The following PIK3R6 variants were observed in gnomAD, a reference collection of about 807,000 sequenced individuals.
PIK3R6 encodes the protein phosphoinositide-3-kinase regulatory subunit 6.
In PIK3R6, 91 loss-of-function variants were observed where a neutral mutation model predicts 84.9. That is an observed-to-expected ratio of 1.07 (90% CI 0.90 to 1.28). PIK3R6 has a LOEUF of 1.28. Ranked by LOEUF, PIK3R6 falls within the 50% of genes most tolerant of loss-of-function variation. The pLI is 0.00. For missense variants in PIK3R6, 996 were observed against 985.1 expected (o/e 1.01, Z -0.15); for synonymous variants, 416 against 411.4 (o/e 1.01, Z -0.13).
Position 8,803,731 on chromosome 17 carries a change from TG to T in PIK3R6, c.2109-303del, listed in dbSNP as rs2087112960. ...GGAACACAGATGCCACAGGTCAGCC[TG>T]TGTGGGAGGGGCCCGTGCCTGCAGA... On this transcript the variant is annotated intron_variant, in intron 19 of 19. Transcript: ENST00000619866. The surrounding 1 kb of genome is among the most constrained non-coding windows in gnomAD (Gnocchi z 5.0). 1 of 549,836 alleles carries T rather than the reference TG, an allele frequency of 1.8e-6. No individual in the cohort carries two copies. The highest frequency in any genetic ancestry group is 1.9e-5 in the African/African-American group (1 of 53,008). 34.1% of individuals were successfully genotyped at this position (549,836 alleles called of 1,614,324 possible).
chr17:8,829,142 CAG>C (rs780356148), intron 10 of PIK3R6, among the ~76,000 whole-genome samples, 152 bp from the exon 11 acceptor site: 19 of 152,268 alleles, frequency 1.2e-4, no homozygotes, highest in Admixed American at 6.5e-4. Flanking sequence ...GACTCACACA[CAG>C]AGACACACAG....
At chr17:8,850,740 G>C (rs2088934961) in intron 1 of PIK3R6, among the ~76,000 whole-genome samples, 1 of 152,170 alleles carries the variant, frequency 6.6e-6, no homozygotes, top group South Asian at 2.1e-4. Flanking sequence ...AACTGGGAAA[G>C]CTAATCTAAA....
chr17:8,819,282 C>T (rs909299025), intron 17 of PIK3R6, 84 bp from the exon 18 acceptor site: 2 of 980,718 alleles, frequency 2.0e-6, no homozygotes, highest in Non-Finnish European at 3.0e-6. Context: ...CTCCAGGAAC[C>T]CATCTTGACA....
intron 17 of PIK3R6, among the ~76,000 whole-genome samples, chr17:8,821,091 G>T (rs1331031392): frequency 6.6e-6 from 1 of 152,184 alleles, no homozygotes; most frequent in Non-Finnish European, 1.5e-5. Flanking sequence ...AATTCTGCCT[G>T]GGTGAACTTA....
Position 8,836,931 on chromosome 17 carries a change from A to G in PIK3R6, c.259-8T>C. On this transcript the variant is annotated splice_polypyrimidine_tract_variant and splice_region_variant and intron_variant, in intron 5 of 19. Coordinates refer to ENST00000619866, the MANE Select transcript of PIK3R6 (RefSeq NM_001010855.4). ...TTCTGTGATTCCTGTGGCCTGGGTG[A>G]GAGGGAGGAGGGGGAGGTGAGAGGG... 7.8e-7 allele frequency: 1 copy of G among 1,274,514 alleles called. No homozygotes were observed. Among genetic ancestry groups the G allele is most frequent in the Non-Finnish European group, 1.0e-6 (1 of 959,980 alleles). 79.0% of individuals were successfully genotyped at this position (1,274,514 alleles called of 1,614,324 possible).
chr17:8,832,655 C>T (rs2088288881), intron 9 of PIK3R6, among the ~76,000 whole-genome samples: 1 of 151,768 alleles, frequency 6.6e-6, no homozygotes, highest in Non-Finnish European at 1.5e-5. Context: ...CCGCCTGCCT[C>T]GGCCTCCCAA....
intron 18 of PIK3R6, among the ~76,000 whole-genome samples, chr17:8,808,074 G>A (rs926609527): frequency 3.3e-5 from 5 of 152,192 alleles, no homozygotes; most frequent in South Asian, 4.2e-4. Flanking sequence ...GTGTTCCATC[G>A]GGACAAAGGA....
chr17:8,849,022 C>T (rs983397495), intron 2 of PIK3R6, among the ~76,000 whole-genome samples: 12 of 152,134 alleles, frequency 7.9e-5, no homozygotes, highest in African/African-American at 1.2e-4. Flanking sequence ...AGATGACACA[C>T]ATCTTGGTGG....
intron 18 of PIK3R6, among the ~76,000 whole-genome samples, chr17:8,806,476 C>T (rs940893200): frequency 1.3e-5 from 2 of 152,164 alleles, no homozygotes; most frequent in Admixed American, 6.5e-5. Flanking sequence ...TTTCATTTCC[C>T]TTTGTGGTCT....
chr17:8,840,814 G>A (rs868717363), intron 2 of PIK3R6, among the ~76,000 whole-genome samples: 3 of 151,500 alleles, frequency 2.0e-5, no homozygotes, highest in East Asian at 1.9e-4. Flanking sequence ...GTGCAGTGGC[G>A]CAATCTTGGC....
In PIK3R6 at chr17:8,804,100, C is replaced by T; in HGVS notation, c.2049G>A (p.Gln683=). The T allele has an allele frequency of 6.2e-7, 1 of 1,614,064 alleles. No homozygotes were observed. The highest frequency in any genetic ancestry group is 1.7e-5 in the Admixed American group (1 of 60,030). ...TGTCCAGCGACAGTGTCAGCAGCCT[C>T]TGGTCCCGGCTCTGGATCTGGATAT... The part of the protein sequence containing the change: ...TNNIQIQSRD[Q]RLLTLSLDKD... The change falls in exon 19 of 20, where the codon CAG becomes CAA. Residue 683 remains glutamine, a synonymous_variant. Transcript: ENST00000619866.
chr17:8,833,183 C>T, intron 8 of PIK3R6, 138 bp from the exon 9 acceptor site: 5 of 1,270,254 alleles, frequency 3.9e-6, no homozygotes, highest in Middle Eastern at 2.8e-4. Context: ...GAGCTTCCCC[C>T]GAAGGCTTCT....
chr17:8,812,934 G>A (rs1193300199), intron 18 of PIK3R6, among the ~76,000 whole-genome samples: 4 of 151,870 alleles, frequency 2.6e-5, no homozygotes, highest in Admixed American at 1.3e-4. Context: ...AAAAAAATAC[G>A]AAGGATCAAC....
At chr17:8,825,644 A>G (rs559318860) in intron 13 of PIK3R6, among the ~76,000 whole-genome samples, 1 of 152,374 alleles carries the variant, frequency 6.6e-6, no homozygotes, top group South Asian at 2.1e-4. Flanking sequence ...AACTAGCTCA[A>G]CATTTGGAAA....
chr17:8,822,618 G>C lies in PIK3R6; in HGVS notation c.1757C>G (p.Pro586Arg), dbSNP rs1019599844. ...GTAGCATAGGGAGAGCTCTGCCCCT[G>C]GGCCCTCAGCCACGCCTCTCCTCCT... The part of the protein sequence containing the change: ...SPRRRGVAEG[P>R]GAELSLCYQK... The change falls in exon 16 of 20, where the codon CCA becomes CGA. Residue 586 changes from proline (P) to arginine (R), a missense_variant. Pro to Arg is a moderately radical substitution (Grantham distance 103). Transcript: ENST00000619866. 3 of 1,613,998 alleles carry C rather than the reference G, an allele frequency of 1.9e-6. No homozygotes were observed. The Admixed American group carries it at 5.0e-5, about 27-fold the overall frequency.
In PIK3R6 at chr17:8,803,342, C is replaced by T. The variant is rs370098186; in HGVS notation, c.2196G>A (p.Val732=). The T allele has an allele frequency of 2.4e-5, 39 of 1,613,442 alleles. No homozygotes were observed. Among genetic ancestry groups the T allele is most frequent in the Non-Finnish European group, 3.1e-5 (36 of 1,179,854 alleles). ...GCTTGGGCTTGGCTTTGATTGCTTCCACCTCCTGTTGCCCATGCAAATTGA... is the reference window on the plus strand; with the variant it reads ...GCTTGGGCTTGGCTTTGATTGCTTCTACCTCCTGTTGCCCATGCAAATTGA... ...PWLNLHGQQE[V]EAIKAKPKPL... Residue 732 remains valine (V), a synonymous_variant, in exon 20 of 20, where the codon GTG becomes GTA. Coordinates refer to ENST00000619866, the MANE Select transcript of PIK3R6 (RefSeq NM_001010855.4). This position sits in a 1 kb window ranked among gnomAD's most constrained non-coding sequence, Gnocchi z 5.0.
At chr17:8,827,748 AGAGAGAGAGAGAGAG>A (rs1434845413) in intron 12 of PIK3R6, among the ~76,000 whole-genome samples, 2,728 of 75,622 alleles carry the variant, frequency 0.036, 71 homozygotes, top group Non-Finnish European at 0.043. Context: ...AAGGGGAGAG[AGAGAGAGAGAGAGAG>A]GAGAGAGAGA....
In PIK3R6 at chr17:8,837,550, C is replaced by A. The variant is rs9895168; in HGVS notation, c.258+253G>T. 7.2e-3 allele frequency among the ~76,000 whole-genome samples: 1,097 copies of A among 152,240 alleles called. 19 individuals carry two copies. Among genetic ancestry groups the A allele is most frequent in the African/African-American group, 0.025 (1,045 of 41,538 alleles). On this transcript the variant is annotated intron_variant, in intron 5 of 19. Transcript: ENST00000619866. ...TTCTCTGTGTAGGGATCAGTGATGT[C>A]TCCTGTTGCACTGCACACAGGAGCA... is the stretch of plus-strand genomic sequence containing the variant.
chr17:8,850,403 A>T (rs2151297251), intron 1 of PIK3R6, among the ~76,000 whole-genome samples: 1 of 152,242 alleles, frequency 6.6e-6, no homozygotes, highest in South Asian at 2.1e-4. Context: ...ACTTTTTAAT[A>T]TTAATATTAA....
Sources: gnomAD v4.1 joint callset for allele counts (sites outside exome capture counted in the v4.1 genomes callset) on GRCh38, gnomAD v4.1.1 for gene constraint, Gnocchi (gnomAD v3.1) non-coding constraint, MANE v1.5 for transcripts, NCBI Gene and HGNC (gene_info 2026-07-23, HGNC 2026-07-21) for gene names.